Variants in L3MBTL4 observed in about 807,000 individuals in gnomAD.
The protein encoded by L3MBTL4 is L3MBTL histone methyl-lysine binding protein 4.
A neutral mutation model predicts 84.5 loss-of-function variants in L3MBTL4; 70 were observed. The ratio of observed to expected loss-of-function variants is 0.83; its 90% CI spans 0.68 to 1.01. The LOEUF (loss-of-function observed/expected upper bound fraction) is 1.01, where lower values mean the gene tolerates loss of function less well. L3MBTL4 is among the 50% of genes least tolerant of loss of function. L3MBTL4 has a pLI of 0.00. For synonymous variants in L3MBTL4, 274 were observed against 259.8 expected, an observed-to-expected ratio of 1.05 and a Z score of -0.52; for missense variants, 715 against 754.8, an observed-to-expected ratio of 0.95 and a Z score of 0.62.
intron 13 of L3MBTL4, among the ~76,000 whole-genome samples, chr18:6,170,018 G>A (rs11663723): frequency 0.027 from 4,052 of 152,086 alleles, 79 homozygotes; most frequent in Non-Finnish European, 0.038. Context: ...CTACGGGGCA[G>A]GCAGTTTCTG....
At chr18:6,091,457 C>T (rs1196978558) in intron 15 of L3MBTL4, among the ~76,000 whole-genome samples, 1 of 152,138 alleles carries the variant, frequency 6.6e-6, no homozygotes, top group East Asian at 1.9e-4. Flanking sequence ...ACCTCCTGCC[C>T]CCACAGCTAA....
intron 16 of L3MBTL4, among the ~76,000 whole-genome samples, chr18:5,991,289 C>T (rs937211814): frequency 6.6e-6 from 1 of 152,200 alleles, no homozygotes; most frequent in Non-Finnish European, 1.5e-5. Flanking sequence ...GCAAGTTTGT[C>T]TGTATTCCCA....
intron 16 of L3MBTL4, among the ~76,000 whole-genome samples, chr18:6,066,280 G>A (rs2057396756): frequency 6.6e-6 from 1 of 152,064 alleles, no homozygotes; most frequent in Non-Finnish European, 1.5e-5. Flanking sequence ...TCTATCATAT[G>A]GTCTATCTTG....
intron 14 of L3MBTL4, among the ~76,000 whole-genome samples, chr18:6,109,522 C>A (rs1040461092): frequency 6.6e-6 from 1 of 152,178 alleles, no homozygotes; most frequent in African/African-American, 2.4e-5. Flanking sequence ...AGGCTACATG[C>A]TCTTCTTGGA....
chr18:6,250,416 A>C (rs773291225), intron 5 of L3MBTL4, among the ~76,000 whole-genome samples: 6 of 152,206 alleles, frequency 3.9e-5, no homozygotes, highest in Non-Finnish European at 8.8e-5. Context: ...GATCGAATAG[A>C]TGATGCTTTG....
intron 16 of L3MBTL4, among the ~76,000 whole-genome samples, chr18:5,999,621 A>G (rs76908000): frequency 0.033 from 4,990 of 152,350 alleles, 147 homozygotes; most frequent in Admixed American, 0.087. Context: ...CAAACAACGA[A>G]GAAAATAAAG....
chr18:6,216,879 A>C (rs1175012659), intron 10 of L3MBTL4, among the ~76,000 whole-genome samples: 1 of 152,202 alleles, frequency 6.6e-6, no homozygotes, highest in African/African-American at 2.4e-5. Context: ...GTCATGTGAC[A>C]TATAGAATTC....
chr18:6,285,528 GTCA>G (rs113337095), intron 4 of L3MBTL4, among the ~76,000 whole-genome samples: 6,667 of 151,944 alleles, frequency 0.044, 431 homozygotes, highest in African/African-American at 0.14. Flanking sequence ...ATATGTGAAA[GTCA>G]TCATATAAAT....
chr18:6,192,005 T>C (rs1326717588), intron 12 of L3MBTL4, among the ~76,000 whole-genome samples: 8 of 110,980 alleles, frequency 7.2e-5, no homozygotes, highest in Admixed American at 3.7e-4. Context: ...CTCCCCCCCC[T>C]CAAAAAAAAA....
intron 16 of L3MBTL4, among the ~76,000 whole-genome samples, chr18:6,000,060 A>G (rs1445413534): frequency 6.6e-6 from 1 of 152,204 alleles, no homozygotes; most frequent in East Asian, 1.9e-4. Flanking sequence ...TTAGTTCAGG[A>G]AAATTGAACT....
chr18:6,338,584 T>C (rs1690526885), intron 1 of L3MBTL4, among the ~76,000 whole-genome samples: 1 of 151,650 alleles, frequency 6.6e-6, no homozygotes, highest in African/African-American at 2.4e-5. Flanking sequence ...TAGATAAATA[T>C]CAGGTCAAAA....
Position 6,414,588 on chromosome 18 carries a change from C to G in L3MBTL4, c.-91+213G>C, listed in dbSNP as rs1456216112. On this transcript the variant is annotated intron_variant, in intron 1 of 18. Transcript: ENST00000317931. This position sits in a 1 kb window ranked among gnomAD's most constrained non-coding sequence, Gnocchi z 5.4. ...GCAGCGCCTCTCGCGGGGAGCCCGG[C>G]GCGCGCCCCGGCGGCGAAAGAGAAA... 2 of 152,042 alleles carry G rather than the reference C, an allele frequency of 1.3e-5. No homozygotes were observed. Among genetic ancestry groups the G allele is most frequent in the Non-Finnish European group, 2.9e-5 (2 of 68,030 alleles). The allele number at this position is 152,042 out of a possible 1,614,324, so 9.4% of individuals were successfully genotyped here.
intron 16 of L3MBTL4, chr18:6,029,341 G>A (rs907105999): frequency 1.8e-6 from 1 of 552,798 alleles, no homozygotes; most frequent in Non-Finnish European, 2.3e-6. Context: ...TTCAGTTCAA[G>A]GGGAAAATTA....
chr18:6,254,857 G>T (rs1043125368), intron 5 of L3MBTL4, among the ~76,000 whole-genome samples: 24 of 151,978 alleles, frequency 1.6e-4, no homozygotes, highest in African/African-American at 5.8e-4. Flanking sequence ...ACTGAATTAC[G>T]GTCTCAGAAA....
At chr18:6,295,247 G>A (rs944632375) in intron 4 of L3MBTL4, among the ~76,000 whole-genome samples, 12 of 150,582 alleles carry the variant, frequency 8.0e-5, no homozygotes, top group Admixed American at 6.6e-4. Flanking sequence ...ACTCCAGCCT[G>A]GGCAACAAGA....
At chr18:6,030,960 G>A (rs1346918245) in intron 16 of L3MBTL4, 7 of 984,618 alleles carry the variant, frequency 7.1e-6, no homozygotes, top group Middle Eastern at 5.2e-4. Flanking sequence ...CTCAATGAAC[G>A]AACAAACAAA....
intron 16 of L3MBTL4, among the ~76,000 whole-genome samples, chr18:6,041,767 T>C (rs2056412286): frequency 6.6e-6 from 1 of 152,094 alleles, no homozygotes; most frequent in Non-Finnish European, 1.5e-5. Flanking sequence ...CCCTGTTGCC[T>C]AGGCGGGAGT....
At chr18:6,192,785 G>C (rs909940288) in intron 12 of L3MBTL4, among the ~76,000 whole-genome samples, 1 of 152,130 alleles carries the variant, frequency 6.6e-6, no homozygotes, top group Non-Finnish European at 1.5e-5. Flanking sequence ...CCGGGAGGCA[G>C]GTACAGAGCA....
intron 15 of L3MBTL4, among the ~76,000 whole-genome samples, chr18:6,089,378 T>G (rs926682132): frequency 2.0e-5 from 3 of 152,144 alleles, no homozygotes; most frequent in African/African-American, 7.2e-5. Flanking sequence ...AGTAGTTCTA[T>G]TATTATTATT....
Sources: gnomAD v4.1 joint callset for allele counts (sites outside exome capture counted in the v4.1 genomes callset) on GRCh38, gnomAD v4.1.1 for gene constraint, Gnocchi (gnomAD v3.1) non-coding constraint, MANE v1.5 for transcripts, NCBI Gene and HGNC (gene_info 2026-07-23, HGNC 2026-07-21) for gene names.